TSPAN11: variants seen among roughly 807,000 people sequenced by gnomAD.
TSPAN11 encodes tetraspanin-11.
TSPAN11 carries 29 observed loss-of-function variants against 32.9 expected under a neutral mutation model. The observed-to-expected ratio is 0.88, with a 90% CI of 0.66 to 1.20. The LOEUF is 1.20. Among genes scored for constraint, TSPAN11 ranks in the 50% most tolerant of loss-of-function variants. The probability of loss-of-function intolerance (pLI) is 0.00; values close to 1 mark genes in which losing one functional copy is unlikely to be tolerated. For synonymous variants in TSPAN11, 140 were observed against 141.3 expected, an observed-to-expected ratio of 0.99 and a Z score of 0.07; for missense variants, 283 against 329.1, an observed-to-expected ratio of 0.86 and a Z score of 1.08.
intron 1 of TSPAN11, among the ~76,000 whole-genome samples, chr12:30,942,007 C>T (rs1222307462): frequency 6.6e-6 from 1 of 152,220 alleles, no homozygotes; most frequent in African/African-American, 2.4e-5. Flanking sequence ...TTCATGGCCA[C>T]TTGGGAACAG....
chr12:30,940,240 G>A (rs1159070266), intron 1 of TSPAN11, among the ~76,000 whole-genome samples: 5 of 152,098 alleles, frequency 3.3e-5, no homozygotes, highest in Non-Finnish European at 5.9e-5. Context: ...AGCCTGAGTG[G>A]GATGAGAAAT....
rs1432942326 is a variant in TSPAN11, at chr12:30,978,582, A to G, written c.298A>G (p.Ile100Val). 1.9e-6 allele frequency: 3 copies of G among 1,614,064 alleles called. No homozygotes were observed. Among genetic ancestry groups the G allele is most frequent in the Non-Finnish European group, 2.5e-6 (3 of 1,180,024 alleles). ...CTAGTATTTCTGCCTGTTGCTCGTCATCTTCCTGGTTGAGCTGGTGGCGGG... is the reference window on the plus strand; with the variant it reads ...CTAGTATTTCTGCCTGTTGCTCGTCGTCTTCCTGGTTGAGCTGGTGGCGGG... The part of the protein sequence containing the change: ...LSTYFCLLLV[I>V]FLVELVAGVL... The change falls in exon 4 of 8, where the codon ATC becomes GTC. Residue 100 changes from isoleucine (I) to valine (V), a missense_variant. Physicochemically the swap from Ile to Val is conservative, Grantham distance 29. Transcript: ENST00000546076.
rs988645413 is a variant in TSPAN11 at position 30,994,804 on chromosome 12, C to T, written c.*2889C>T. The T allele has an allele frequency of 2.0e-5, 3 of 152,146 alleles. No homozygotes were observed. The highest frequency in any genetic ancestry group is 2.9e-5 in the Non-Finnish European group (2 of 68,032). 9.4% of individuals were successfully genotyped at this position (152,146 alleles called of 1,614,324 possible). A position where few individuals can be genotyped will look rare whatever the true frequency, so the allele number is the denominator to read the frequency against. ...TTACCCCAGCAAGAGGGTGTTATTT[C>T]CCCCATTTTATAAAAGGAAATTAAG... On this transcript the variant is annotated 3_prime_UTR_variant, in exon 8 of 8. Coordinates refer to ENST00000546076, the MANE Select transcript of TSPAN11 (RefSeq NM_001370302.1).
intron 7 of TSPAN11, among the ~76,000 whole-genome samples, chr12:30,991,215 T>G (rs1283646818): frequency 6.6e-6 from 1 of 152,112 alleles, no homozygotes; most frequent in East Asian, 1.9e-4. Context: ...CTACACTGAT[T>G]GACAGGGTGA....
rs1555199115 is a variant in TSPAN11 at position 30,978,541 on chromosome 12, T to G, written c.277-20T>G. On this transcript the variant is annotated intron_variant, in intron 3 of 7. Transcript: ENST00000546076. ...AGCAACCCGATCCCAGTGGTGACCGTCCTCTCTCTTTGCTGCTAGTATTTC... is the reference window on the plus strand; with the variant it reads ...AGCAACCCGATCCCAGTGGTGACCGGCCTCTCTCTTTGCTGCTAGTATTTC... 6.2e-7 allele frequency: 1 copy of G among 1,613,646 alleles called. No individual in the cohort carries two copies. Among genetic ancestry groups the G allele is most frequent in the Non-Finnish European group, 8.5e-7 (1 of 1,179,662 alleles).
chr12:30,950,669 G>A (rs1938364166), intron 1 of TSPAN11, among the ~76,000 whole-genome samples: 1 of 152,204 alleles, frequency 6.6e-6, no homozygotes. Flanking sequence ...GCAGCTCAGG[G>A]ATGGTATGGC....
At chr12:30,946,009 A>G (rs763626108) in intron 1 of TSPAN11, among the ~76,000 whole-genome samples, 2 of 152,212 alleles carry the variant, frequency 1.3e-5, no homozygotes, top group African/African-American at 4.8e-5. Flanking sequence ...ATGAGAGGAC[A>G]GGGCCAGCCT....
At chr12:30,969,715 T>C (rs1371354261) in intron 3 of TSPAN11, among the ~76,000 whole-genome samples, 1 of 152,162 alleles carries the variant, frequency 6.6e-6, no homozygotes. Flanking sequence ...ATGTTCCATA[T>C]TGCATTGATG....
intron 7 of TSPAN11, among the ~76,000 whole-genome samples, chr12:30,983,748 G>C (rs200134255): frequency 2.0e-5 from 3 of 152,170 alleles, no homozygotes; most frequent in Admixed American, 1.3e-4. Context: ...TGGGTAATGC[G>C]ATATATCGAC....
intron 1 of TSPAN11, among the ~76,000 whole-genome samples, chr12:30,948,305 A>T (rs1938310840): frequency 6.6e-6 from 1 of 152,228 alleles, no homozygotes; most frequent in Non-Finnish European, 1.5e-5. Context: ...TCCACTAGGC[A>T]GTGCCCCAGT....
chr12:30,936,603 T>A (rs542796674), intron 1 of TSPAN11, among the ~76,000 whole-genome samples: 2 of 152,170 alleles, frequency 1.3e-5, no homozygotes, highest in Admixed American at 6.5e-5. Flanking sequence ...GGGGATGGCT[T>A]AGTGTTGGGG....
intron 1 of TSPAN11, among the ~76,000 whole-genome samples, chr12:30,942,995 C>A (rs990900410): frequency 6.6e-6 from 1 of 152,216 alleles, no homozygotes; most frequent in African/African-American, 2.4e-5. Flanking sequence ...GTGCCACTGG[C>A]AGCCACTGGA....
chr12:30,998,463 C>T (rs2140320110), downstream of TSPAN11, among the ~76,000 whole-genome samples: 1 of 152,354 alleles, frequency 6.6e-6, no homozygotes, highest in Non-Finnish European at 1.5e-5. Flanking sequence ...GGACATGGGG[C>T]AAAGAGCCAT....
chr12:30,995,288 C>G lies in TSPAN11; in HGVS notation c.*3373C>G, dbSNP rs1939395048. The stretch of plus-strand genomic sequence containing the variant: ...AGGTCACACCCACTCCCAGAGCAAC[C>G]CTGGGCAGGGAGGGGCACCCTGGGG... On this transcript the variant is annotated 3_prime_UTR_variant, in exon 8 of 8. Coordinates refer to ENST00000546076, the MANE Select transcript of TSPAN11 (RefSeq NM_001370302.1). 6.6e-6 allele frequency: 1 copy of G among 152,348 alleles called. No individual in the cohort carries two copies. The highest frequency in any genetic ancestry group is 2.4e-5 in the African/African-American group (1 of 41,466). The allele number at this position is 152,348 out of a possible 1,614,324, so 9.4% of individuals were successfully genotyped here.
intron 5 of TSPAN11, among the ~76,000 whole-genome samples, chr12:30,980,992 T>A (rs921131205): frequency 2.0e-5 from 3 of 150,892 alleles, no homozygotes; most frequent in Non-Finnish European, 3.0e-5. Flanking sequence ...TGGGCCACCC[T>A]CAGAAGAGAG....
At chr12:30,986,098 G>C (rs1939195752) in intron 7 of TSPAN11, among the ~76,000 whole-genome samples, 1 of 152,164 alleles carries the variant, frequency 6.6e-6, no homozygotes, top group South Asian at 2.1e-4. Flanking sequence ...CTCTTCCCCA[G>C]GGTCATAGTT....
the TSPAN11 span, among the ~76,000 whole-genome samples, chr12:31,010,329 A>C: frequency 1.3e-5 from 2 of 152,176 alleles, no homozygotes; most frequent in South Asian, 4.1e-4. Flanking sequence ...AAGATGGCAA[A>C]GTTTCAGGCC....
intron 3 of TSPAN11, among the ~76,000 whole-genome samples, chr12:30,974,426 T>C (rs990680613): frequency 3.9e-5 from 6 of 152,204 alleles, no homozygotes; most frequent in Admixed American, 2.6e-4. Context: ...GGTTGCAAAA[T>C]TGTGCCAGGT....
chr12:30,975,492 C>T lies in TSPAN11; in HGVS notation c.277-3069C>T, dbSNP rs994849471. 3.3e-5 allele frequency among the ~76,000 whole-genome samples: 5 copies of T among 152,120 alleles called. No homozygotes were observed. Among genetic ancestry groups the T allele is most frequent in the Non-Finnish European group, 5.9e-5 (4 of 68,008 alleles). On this transcript the variant is annotated intron_variant, in intron 3 of 7. Coordinates refer to ENST00000546076, the MANE Select transcript of TSPAN11 (RefSeq NM_001370302.1). This position sits in a 1 kb window ranked among gnomAD's most constrained non-coding sequence, Gnocchi z 4.5. Reference sequence around the variant, plus strand: ...CGAGAAGGCTATCCCCACACACCACCGCCACTGCCAAGCTCTCTCCCCTCC... The same window carrying T: ...CGAGAAGGCTATCCCCACACACCACTGCCACTGCCAAGCTCTCTCCCCTCC...
Sources: allele counts gnomAD v4.1 joint callset (sites outside exome capture counted in the v4.1 genomes callset), GRCh38; gene constraint gnomAD v4.1.1; non-coding constraint Gnocchi (gnomAD v3.1); transcripts MANE v1.5; gene names NCBI Gene and HGNC (gene_info 2026-07-23, HGNC 2026-07-21).